The following FOXN3 variants were observed in gnomAD, a reference collection of about 807,000 sequenced individuals.
FOXN3 encodes the protein forkhead box N3, also known as forkhead box protein N3.
In FOXN3, 7 loss-of-function variants were observed where a neutral mutation model predicts 38.4. The ratio of observed to expected loss-of-function variants is 0.18; its 90% confidence interval spans 0.10 to 0.34. FOXN3 has a LOEUF of 0.34. Among genes scored for constraint, FOXN3 ranks in the 10% least tolerant of loss-of-function variants. FOXN3 has a pLI of 1.00. For missense variants in FOXN3, 456 were observed against 613.4 expected (o/e 0.74, Z 2.71); for synonymous variants, 230 against 242.2 (o/e 0.95, Z 0.47).
intron 3 of FOXN3, among the ~76,000 whole-genome samples, chr14:89,317,055 A>G (rs566384440): frequency 2.3e-4 from 35 of 152,336 alleles, no homozygotes; most frequent in Non-Finnish European, 4.7e-4. Context: ...TAGAACCTGC[A>G]CCACAAAGCA....
In FOXN3 at chr14:89,337,648, T is replaced by TTTG. The variant is rs3057933; in HGVS notation, c.680+13023_680+13024insCAA. Among the ~76,000 whole-genome samples, 29 of 151,582 alleles carry TTTG rather than the reference T, an allele frequency of 1.9e-4. No homozygotes were observed. In the East Asian group the frequency reaches 5.6e-3, roughly 29 times the overall value. ...TCTCTTTTCTTTTCTTTTTTTTTTT[T>TTTG]GAGACGGAGTCTTGCTCTGTCACCA... On this transcript the variant is annotated intron_variant, in intron 3 of 5. Coordinates refer to ENST00000557258, the MANE Select transcript of FOXN3 (RefSeq NM_005197.4).
At chr14:89,577,412 C>T (rs1895655745) in intron 1 of FOXN3, 1 of 152,072 alleles carries the variant, frequency 6.6e-6, no homozygotes, top group South Asian at 2.1e-4. Flanking sequence ...TGGAAAACCC[C>T]AAAAAGACCA....
intron 4 of FOXN3, among the ~76,000 whole-genome samples, chr14:89,222,482 A>G (rs982295754): frequency 6.6e-6 from 1 of 152,240 alleles, no homozygotes; most frequent in African/African-American, 2.4e-5. Flanking sequence ...AAGTGGACAG[A>G]GAAATCCGTA....
rs559392626 is a variant in FOXN3 at position 89,280,155 on chromosome 14, G to C, written c.745+795C>G. 4.6e-5 allele frequency among the ~76,000 whole-genome samples: 7 copies of C among 152,282 alleles called. No individual in the cohort carries two copies. The East Asian group carries it at 1.4e-3, about 29-fold the overall frequency. Reference sequence around the variant, plus strand: ...GGGATAGAAAGCTCGAAGGCCCCGGGAACCACTCAATTCCATTTTATTTAC... The same window carrying C: ...GGGATAGAAAGCTCGAAGGCCCCGGCAACCACTCAATTCCATTTTATTTAC... On this transcript the variant is annotated intron_variant, in intron 4 of 5. Transcript: ENST00000557258.
chr14:89,211,993 A>AT (rs1884109141), intron 4 of FOXN3, among the ~76,000 whole-genome samples: 1 of 152,136 alleles, frequency 6.6e-6, no homozygotes, highest in Non-Finnish European at 1.5e-5. Context: ...TAAGAGTAGC[A>AT]TAAGTAGTGA....
intron 4 of FOXN3, among the ~76,000 whole-genome samples, chr14:89,266,532 A>T (rs1443537932): frequency 2.0e-5 from 3 of 152,126 alleles, no homozygotes; most frequent in African/African-American, 7.2e-5. Flanking sequence ...AGTAAGTTAC[A>T]TGGATATATT....
At chr14:89,542,655 C>A (rs1158041110) in intron 1 of FOXN3, among the ~76,000 whole-genome samples, 2 of 152,214 alleles carry the variant, frequency 1.3e-5, no homozygotes, top group African/African-American at 4.8e-5. Flanking sequence ...GGAGCAACCC[C>A]TTCCTTGTCT....
intron 1 of FOXN3, among the ~76,000 whole-genome samples, chr14:89,489,606 C>T (rs1893530761): frequency 6.6e-6 from 1 of 152,198 alleles, no homozygotes; most frequent in South Asian, 2.1e-4. Context: ...ACTCAGTCTT[C>T]AGCAACACCG....
intron 3 of FOXN3, among the ~76,000 whole-genome samples, chr14:89,313,010 G>A (rs571282571): frequency 6.6e-6 from 1 of 152,304 alleles, no homozygotes; most frequent in East Asian, 1.9e-4. Flanking sequence ...GTCCCAAAGA[G>A]GACAACTCTA....
Position 89,162,301 on chromosome 14 carries a change from C to T in FOXN3, c.*113G>A. 1 of 900,934 alleles carries T rather than the reference C, an allele frequency of 1.1e-6. No homozygotes were observed. The highest frequency in any genetic ancestry group is 1.6e-6 in the Non-Finnish European group (1 of 624,202). The allele number at this position is 900,934 out of a possible 1,614,324, so 55.8% of individuals were successfully genotyped here. A position where few individuals can be genotyped will look rare whatever the true frequency, so the allele number is the denominator to read the frequency against. Reference sequence around the variant, plus strand: ...GGAAAAGAAAAGAAAGAAAACCAAACCAAAAACAAGAAAAAAGAAAAAAAA... The same window carrying T: ...GGAAAAGAAAAGAAAGAAAACCAAATCAAAAACAAGAAAAAAGAAAAAAAA... On this transcript the variant is annotated 3_prime_UTR_variant, in exon 6 of 6. Transcript: ENST00000557258. This position sits in a 1 kb window ranked among gnomAD's most constrained non-coding sequence, Gnocchi z 7.2.
At chr14:89,318,926 A>T (rs909010900) in intron 3 of FOXN3, among the ~76,000 whole-genome samples, 1 of 152,240 alleles carries the variant, frequency 6.6e-6, no homozygotes, top group African/African-American at 2.4e-5. Flanking sequence ...GGAATGGAGA[A>T]CGGAGGCAGA....
intron 1 of FOXN3, among the ~76,000 whole-genome samples, chr14:89,445,112 C>G (rs1036649401): frequency 2.2e-4 from 34 of 151,136 alleles, no homozygotes; most frequent in Admixed American, 1.9e-3. Context: ...GGCGACAGAA[C>G]AAGCAGAACA....
At chr14:89,367,723 T>G (rs907494787) in intron 2 of FOXN3, among the ~76,000 whole-genome samples, 1 of 152,084 alleles carries the variant, frequency 6.6e-6, no homozygotes, top group Non-Finnish European at 1.5e-5. Context: ...AAAGACCAAC[T>G]GACCTGGCCC....
chr14:89,207,910 T>C (rs1167565512), intron 4 of FOXN3, among the ~76,000 whole-genome samples: 2 of 152,140 alleles, frequency 1.3e-5, no homozygotes, highest in East Asian at 3.9e-4. Flanking sequence ...ATAATCAGTG[T>C]TAAACAGTGG....
rs1486733032 is a variant in FOXN3 at position 89,180,775 on chromosome 14, C to G, written c.777G>C (p.Arg259=). 6.2e-7 allele frequency: 1 copy of G among 1,612,244 alleles called. No individual in the cohort carries two copies. Among genetic ancestry groups the G allele is most frequent in the Non-Finnish European group, 8.5e-7 (1 of 1,179,234 alleles). ...CAGGAAACAGCCCTCGGCTCAGGAC[C>G]CGCGCTCCATTTTGGATCACTCCTG... ...VPPGVIQNGA[R]VLSRGLFPGV... is the part of the protein sequence containing the mutation. The change falls in exon 5 of 6, where the codon CGG becomes CGC. Residue 259 remains arginine (R), a synonymous_variant. Transcript: ENST00000557258.
intron 4 of FOXN3, among the ~76,000 whole-genome samples, chr14:89,236,371 C>A (rs190766508): frequency 6.6e-6 from 1 of 152,086 alleles, no homozygotes; most frequent in Non-Finnish European, 1.5e-5. Context: ...AAAAATTAGC[C>A]GGGTGTAGAG....
intron 1 of FOXN3, among the ~76,000 whole-genome samples, chr14:89,506,469 C>G (rs1267772927): frequency 2.3e-4 from 32 of 142,042 alleles, no homozygotes; most frequent in African/African-American, 7.2e-4. Context: ...GTCAGCCCCC[C>G]ACCCGGCCAG....
intron 1 of FOXN3, among the ~76,000 whole-genome samples, chr14:89,471,993 C>T (rs186313021): frequency 1.3e-4 from 20 of 152,242 alleles, no homozygotes; most frequent in Admixed American, 7.2e-4. Context: ...TGGTGGCTCA[C>T]GCCTGTAATC....
chr14:89,198,986 T>C (rs1888167234), intron 4 of FOXN3, among the ~76,000 whole-genome samples: 1 of 152,236 alleles, frequency 6.6e-6, no homozygotes, highest in African/African-American at 2.4e-5. Flanking sequence ...ATTTGTTGCT[T>C]TGAAATCACT....
Sources: gnomAD v4.1 joint callset for allele counts (sites outside exome capture counted in the v4.1 genomes callset) on GRCh38, gnomAD v4.1.1 for gene constraint, Gnocchi (gnomAD v3.1) non-coding constraint, MANE v1.5 for transcripts, NCBI Gene and HGNC (gene_info 2026-07-23, HGNC 2026-07-21) for gene names.